EMX1: variants seen among roughly 807,000 people sequenced by gnomAD.
EMX1 encodes the protein empty spiracles homeobox 1, also known as homeobox protein EMX1.
In EMX1, 10 loss-of-function variants were observed where a neutral mutation model predicts 20.1. The observed-to-expected ratio is 0.50, with a 90% CI of 0.31 to 0.84. EMX1 has a LOEUF of 0.84. Ranked by LOEUF, EMX1 falls within the 40% of genes least tolerant of loss-of-function variation. The probability of loss-of-function intolerance (pLI) is 0.05; values close to 1 mark genes in which losing one functional copy is unlikely to be tolerated. For synonymous variants in EMX1, 250 were observed against 200.4 expected, an observed-to-expected ratio of 1.25 and a Z score of -2.09; for missense variants, 424 against 431.9, an observed-to-expected ratio of 0.98 and a Z score of 0.16.
Position 72,934,110 on chromosome 2 carries a change from C to T in EMX1, c.*156C>T, listed in dbSNP as rs924173571. On this transcript the variant is annotated 3_prime_UTR_variant, in exon 3 of 3. Coordinates refer to ENST00000258106, the MANE Select transcript of EMX1 (RefSeq NM_004097.3). ...GCTTGAAGCCCGGGGCCGCCATTGA[C>T]AGAGGGACAAGCAATGGGCTGGCTG... 1 of 1,077,366 alleles carries T rather than the reference C, an allele frequency of 9.3e-7. No individual in the cohort carries two copies. The highest frequency in any genetic ancestry group is 1.3e-6 in the Non-Finnish European group (1 of 771,524). 66.7% of individuals were successfully genotyped at this position (1,077,366 alleles called of 1,614,324 possible).
In EMX1 at chr2:72,917,824, G is replaced by A; in HGVS notation, c.-29G>A. On this transcript the variant is annotated 5_prime_UTR_variant, in exon 1 of 3. Coordinates refer to ENST00000258106, the MANE Select transcript of EMX1 (RefSeq NM_004097.3). ...GGGGCCGAGCGCGAGCGGGCGGGCG[G>A]GGGAGGTGAGGGGTGCGGGCGGGTG... 7.7e-7 allele frequency: 1 copy of A among 1,301,404 alleles called. No homozygotes were observed. The highest frequency in any genetic ancestry group is 9.7e-7 in the Non-Finnish European group (1 of 1,029,392). The allele number at this position is 1,301,404 out of a possible 1,614,324, so 80.6% of individuals were successfully genotyped here. A position where few individuals can be genotyped will look rare whatever the true frequency, so the allele number is the denominator to read the frequency against.
chr2:72,918,460 T>C, intron 1 of EMX1, 88 bp downstream of exon 1: 1 of 1,328,124 alleles, frequency 7.5e-7, no homozygotes, highest in Non-Finnish European at 9.6e-7. Context: ...CGCGGGGCTG[T>C]TTAGAAGTTA....
At chr2:72,925,812 C>T (rs1164410895) in intron 2 of EMX1, 1 of 985,310 alleles carries the variant, frequency 1.0e-6, no homozygotes, top group African/African-American at 1.7e-5. Context: ...CTATTGTCGT[C>T]ATATCTGTCT....
chr2:72,920,222 G>T (rs1200872042), intron 1 of EMX1, among the ~76,000 whole-genome samples: 1 of 152,202 alleles, frequency 6.6e-6, no homozygotes, highest in Non-Finnish European at 1.5e-5. Context: ...GGCTCTGAGC[G>T]TCTCCAGTCA....
intron 1 of EMX1, among the ~76,000 whole-genome samples, chr2:72,920,342 C>T (rs1174125946): frequency 2.0e-5 from 3 of 152,212 alleles, no homozygotes; most frequent in Non-Finnish European, 4.4e-5. Context: ...TGGATTTTTC[C>T]CTCAAGAACC....
At chr2:72,931,708 T>G (rs1377098198) in intron 2 of EMX1, among the ~76,000 whole-genome samples, 1 of 152,214 alleles carries the variant, frequency 6.6e-6, no homozygotes, top group Non-Finnish European at 1.5e-5. Context: ...GCTATGGGCT[T>G]GGAAATGAGG....
intron 2 of EMX1, among the ~76,000 whole-genome samples, chr2:72,926,872 G>C (rs762772266): frequency 7.2e-5 from 11 of 152,034 alleles, no homozygotes; most frequent in Non-Finnish European, 1.3e-4. Flanking sequence ...TTATCATACG[G>C]AGCCAGGCTA....
intron 1 of EMX1, among the ~76,000 whole-genome samples, chr2:72,921,291 G>T (rs754496161): frequency 5.9e-5 from 9 of 152,154 alleles, no homozygotes; most frequent in Non-Finnish European, 1.3e-4. Flanking sequence ...CTCCAGGGAC[G>T]GCTATACCAG....
chr2:72,927,958 T>C (rs148308327), intron 2 of EMX1, among the ~76,000 whole-genome samples: 4 of 152,356 alleles, frequency 2.6e-5, no homozygotes, highest in African/African-American at 9.6e-5. Flanking sequence ...ATTTAGATTA[T>C]GCATATACCA....
chr2:72,923,041 T>C (rs894862643), intron 1 of EMX1, among the ~76,000 whole-genome samples: 1 of 152,124 alleles, frequency 6.6e-6, no homozygotes, highest in East Asian at 1.9e-4. Flanking sequence ...CTGTTATGAG[T>C]CTGTTAGCAT....
At chr2:72,916,831 C>A (rs1443685661), upstream of EMX1, 1 of 717,246 alleles carries the variant, frequency 1.4e-6, no homozygotes, top group South Asian at 1.5e-5. Context: ...CCGTCCTGGT[C>A]CAAGCCGGTC....
In EMX1 at chr2:72,933,877, T is replaced by G. The variant is rs546835038; in HGVS notation, c.796T>G (p.Ser266Ala). The G allele has an allele frequency of 6.2e-7, 1 of 1,614,194 alleles. No individual in the cohort carries two copies. The highest frequency in any genetic ancestry group is 8.5e-7 in the Non-Finnish European group (1 of 1,180,018). Residue 266 changes from serine (S) to alanine (A), a missense_variant, in exon 3 of 3, where the codon TCC becomes GCC. Around this residue, in one of 2 missense-constraint regions of EMX1, gnomAD observed 91 missense variants for 135.2 expected, o/e 0.67. Coordinates refer to ENST00000258106, the MANE Select transcript of EMX1 (RefSeq NM_004097.3). The part of the protein sequence containing the change: ...GPESEQKKKG[S>A]HHINRWRIAT... The stretch of plus-strand genomic sequence containing the variant: ...TGAGTCCGAGCAGAAGAAGAAGGGC[T>G]CCCATCACATCAACCGGTGGCGCAT...
chr2:72,931,421 G>T (rs1280662933), intron 2 of EMX1, among the ~76,000 whole-genome samples: 1 of 152,196 alleles, frequency 6.6e-6, no homozygotes, highest in Non-Finnish European at 1.5e-5. Context: ...GTCACCTTCG[G>T]CCAGCCCACT....
intron 2 of EMX1, among the ~76,000 whole-genome samples, chr2:72,931,597 T>C: frequency 6.6e-6 from 1 of 152,158 alleles, no homozygotes; most frequent in East Asian, 1.9e-4. Context: ...CCACCCAGGG[T>C]CCAGGTGGCC....
At chr2:72,919,180 T>TACACACACACACACACACAC (rs70963149) in intron 1 of EMX1, among the ~76,000 whole-genome samples, 2 of 142,542 alleles carry the variant, frequency 1.4e-5, no homozygotes, top group African/African-American at 5.2e-5. Flanking sequence ...CCACTGGCCC[T>TACACACACACACACACACAC]ACACACACAC....
Position 72,918,210 on chromosome 2 carries a change from C to T in EMX1, c.358C>T (p.Pro120Ser), listed in dbSNP as rs1243757918. The stretch of plus-strand genomic sequence containing the variant: ...CTACGGTGGGCCCGAGCTCGTGTTC[C>T]CCGAGGCCATGAACCACCCCGCGCT... ...SLYGGPELVFPEAMNHPALTV... is the reference protein window; with the variant it reads ...SLYGGPELVFSEAMNHPALTV... The change falls in exon 1 of 3, where the codon CCC becomes TCC. Residue 120 changes from proline to serine, a missense_variant. Pro to Ser is a moderately conservative substitution (Grantham distance 74). Transcript: ENST00000258106. The T allele has an allele frequency of 1.9e-6, 3 of 1,568,800 alleles. No homozygotes were observed. The highest frequency in any genetic ancestry group is 2.6e-6 in the Non-Finnish European group (3 of 1,168,992).
chr2:72,929,262 G>C (rs1671248460), intron 2 of EMX1, among the ~76,000 whole-genome samples: 1 of 152,214 alleles, frequency 6.6e-6, no homozygotes, highest in African/African-American at 2.4e-5. Context: ...GGAGATTAGA[G>C]TGGTTCTGTG....
intron 2 of EMX1, among the ~76,000 whole-genome samples, chr2:72,927,734 A>T (rs1306016223): frequency 6.6e-6 from 1 of 152,248 alleles, no homozygotes; most frequent in Non-Finnish European, 1.5e-5. Context: ...TGGGAGGCAG[A>T]GGCCAAGCCT....
chr2:72,923,303 G>A (rs1460453852), intron 1 of EMX1: 2 of 152,120 alleles, frequency 1.3e-5, no homozygotes, highest in Admixed American at 1.3e-4. Flanking sequence ...AGGGAGGCTG[G>A]AACATATATT....
Sources: allele counts gnomAD v4.1 joint callset (sites outside exome capture counted in the v4.1 genomes callset), GRCh38; gene constraint gnomAD v4.1.1; regional missense constraint gnomAD v4.1.1; transcripts MANE v1.5; gene names NCBI Gene and HGNC (gene_info 2026-07-23, HGNC 2026-07-21).